Variants in CHAD observed in about 807,000 individuals in gnomAD.
The protein encoded by CHAD is chondroadherin.
Under a neutral mutation model 24.0 loss-of-function variants are expected in CHAD, and 18 were observed. The ratio of observed to expected loss-of-function variants is 0.75; its 90% CI spans 0.52 to 1.11. The LOEUF (loss-of-function observed/expected upper bound fraction) is 1.11, where lower values mean the gene tolerates loss of function less well. CHAD is among the 50% of genes most tolerant of loss of function. The pLI, the probability that CHAD is intolerant of heterozygous loss-of-function variation, is 0.00. For missense variants in CHAD, 440 were observed against 467.2 expected (o/e 0.94, Z 0.54); for synonymous variants, 195 against 211.6 (o/e 0.92, Z 0.68).
rs1474171242 is a variant in CHAD, at chr17:50,464,637, C to T, written c.*417G>A. On this transcript the variant is annotated 3_prime_UTR_variant, in exon 4 of 4. Transcript: ENST00000508540. ...AGAGTTGGGGCATGGGCTTTAAAAC[C>T]CTTTCTGGAAGCAAGGGGTGGGGCA... The T allele has an allele frequency of 2.0e-6, 1 of 498,226 alleles. No homozygotes were observed. Among genetic ancestry groups the T allele is most frequent in the Non-Finnish European group, 3.9e-6 (1 of 255,458 alleles). The allele number at this position is 498,226 out of a possible 1,614,324, so 30.9% of individuals were successfully genotyped here. A position where few individuals can be genotyped will look rare whatever the true frequency, so the allele number is the denominator to read the frequency against.
rs1435976949 is a variant in CHAD at position 50,465,798 on chromosome 17, G to A, written c.847C>T (p.Leu283=). 1 of 1,613,910 alleles carries A rather than the reference G, an allele frequency of 6.2e-7. No homozygotes were observed. The highest frequency in any genetic ancestry group is 1.1e-5 in the South Asian group (1 of 91,060). Residue 283 remains leucine, a synonymous_variant, in exon 2 of 4, where the codon CTA becomes TTA. Transcript: ENST00000508540. ...VHLENNRLNQ[L]PSNFPFDSLE... ...CTGTCGAAGGGGAAGTTGGAGGGTA[G>A]CTGGTTCAAGCGGTTGTTCTCCAAA...
chr17:50,468,877 T>G lies in CHAD; in HGVS notation c.-64A>C, dbSNP rs1033941521. ...GCGGCGGGGCGCGGGCAGCGGCGAG[T>G]CCTAGGCGCTCGGGTCTGCCGCCCT... On this transcript the variant is annotated 5_prime_UTR_variant, in exon 1 of 4. Transcript: ENST00000508540. 7.8e-5 allele frequency: 113 copies of G among 1,440,212 alleles called. No individual in the cohort carries two copies. Among genetic ancestry groups the G allele is most frequent in the Non-Finnish European group, 1.0e-4 (111 of 1,106,512 alleles). The allele number at this position is 1,440,212 out of a possible 1,614,324, so 89.2% of individuals were successfully genotyped here. A position where few individuals can be genotyped will look rare whatever the true frequency, so the allele number is the denominator to read the frequency against.
Position 50,468,106 on chromosome 17 carries a change from G to T in CHAD, c.708C>A (p.Asp236Glu), listed in dbSNP as rs1188650180. 6.2e-7 allele frequency: 1 copy of T among 1,613,986 alleles called. No individual in the cohort carries two copies. The highest frequency in any genetic ancestry group is 2.2e-5 in the East Asian group (1 of 44,882). ...LSHNPLKSIP[D>E]NAFQSFGRYL... ...ATCTGCCAAAGGACTGGAAGGCATT[G>T]TCCGGGATGCTTTTCAGGGGGTTGT... The change falls in exon 1 of 4, where the codon GAC becomes GAA. Residue 236 changes from aspartate (D) to glutamate (E), a missense_variant. Asp to Glu is a conservative substitution (Grantham distance 45). Transcript: ENST00000508540.
At position 50,468,397 on chromosome 17, in the gene CHAD, G is replaced by T; in HGVS notation, c.417C>A (p.Pro139=). ...TGACCAGCGGGGAGAGCAACCCCCG[G>T]GGCAGCTCAGTGACCTTGTTGTGGT... ...YLDHNKVTEL[P]RGLLSPLVNL... Residue 139 remains proline (P), a synonymous_variant, in exon 1 of 4, where the codon CCC becomes CCA. Transcript: ENST00000508540. The T allele has an allele frequency of 6.2e-7, 1 of 1,614,222 alleles. No individual in the cohort carries two copies. Among genetic ancestry groups the T allele is most frequent in the South Asian group, 1.1e-5 (1 of 91,086 alleles).
Position 50,465,325 on chromosome 17 carries a change from C to G in CHAD, c.1053G>C (p.Lys351Asn), listed in dbSNP as rs1451872677. The change falls in exon 3 of 4, where the codon AAG becomes AAC. Residue 351 changes from lysine (K) to asparagine (N), a missense_variant. By Grantham distance (94) the Lys-to-Asn change is moderately conservative (BLOSUM62 0). Transcript: ENST00000508540. ...DAFRSCKFPTKRSKKAGRH is the reference protein window; with the variant it reads ...DAFRSCKFPTNRSKKAGRH ...AATGGCGGCCAGCTTTCTTGGACCT[C>G]TTGGTGGGGAACTTGCAGCTGCGGA... 1 of 1,613,964 alleles carries G rather than the reference C, an allele frequency of 6.2e-7. No individual in the cohort carries two copies. The highest frequency in any genetic ancestry group is 2.2e-5 in the East Asian group (1 of 44,876).
rs150206622 is a variant in CHAD, at chr17:50,468,549, C to G, written c.265G>C (p.Glu89Gln). The G allele has an allele frequency of 6.8e-6, 11 of 1,614,238 alleles. No homozygotes were observed. The highest frequency in any genetic ancestry group is 3.3e-4 in the Middle Eastern group (2 of 6,060). The change falls in exon 1 of 4, where the codon GAG (glutamate) becomes CAG (glutamine). Residue 89 changes from glutamate to glutamine, a missense_variant. Glu to Gln is a conservative substitution (Grantham distance 29, BLOSUM62 2). Coordinates refer to ENST00000508540, the MANE Select transcript of CHAD (RefSeq NM_001267.3). ...SLHLQHCQIREVAAGAFRGLK... is the reference protein window; with the variant it reads ...SLHLQHCQIRQVAAGAFRGLK... ...CCGCGGAAGGCACCGGCGGCCACCT[C>G]GCGGATCTGGCAGTGCTGCAGGTGC...
intron 1 of CHAD, 135 bp from the exon 2 acceptor site, chr17:50,466,005 C>T (rs1314762044): frequency 2.3e-6 from 2 of 858,670 alleles, no homozygotes; most frequent in Admixed American, 2.2e-5. Flanking sequence ...GTTTTCAAAG[C>T]AGTATGACCA....
chr17:50,468,285 A>T lies in CHAD; in HGVS notation c.529T>A (p.Tyr177Asn), dbSNP rs773202817. 6.2e-7 allele frequency: 1 copy of T among 1,612,788 alleles called. No individual in the cohort carries two copies. The highest frequency in any genetic ancestry group is 1.3e-5 in the African/African-American group (1 of 75,064). The change falls in exon 1 of 4, where the codon TAC (tyrosine) becomes AAC (asparagine). Residue 177 changes from tyrosine to asparagine, a missense_variant. Physicochemically the swap from Tyr to Asn is moderately radical, Grantham distance 143. Coordinates refer to ENST00000508540, the MANE Select transcript of CHAD (RefSeq NM_001267.3). ...FQGAKDLRWL[Y>N]LSENALSSLQ... Reference sequence around the variant, plus strand: ...GAGCTCAACGCGTTTTCCGACAGGTAGAGCCAGCGCAGGTCCTTGGCTCCC... The same window carrying T: ...GAGCTCAACGCGTTTTCCGACAGGTTGAGCCAGCGCAGGTCCTTGGCTCCC...
In CHAD at chr17:50,468,337, G is replaced by A. The variant is rs751120493; in HGVS notation, c.477C>T (p.Ile159=). The A allele has an allele frequency of 1.2e-6, 2 of 1,614,208 alleles. No individual in the cohort carries two copies. The highest frequency in any genetic ancestry group is 1.3e-5 in the African/African-American group (1 of 75,076). The change falls in exon 1 of 4, where the codon ATC becomes ATT. Residue 159 remains isoleucine, a synonymous_variant. Transcript: ENST00000508540. The part of the protein sequence containing the change: ...LFILQLNNNK[I]RELRAGAFQG... ...GGAAGGCGCCTGCGCGCAGCTCACG[G>A]ATCTTGTTGTTGTTGAGCTGCAAGA...
At position 50,468,487 on chromosome 17, in the gene CHAD, G is replaced by A. The variant is rs377690767; in HGVS notation, c.327C>T (p.Asn109=). 12 of 1,614,156 alleles carry A rather than the reference G, an allele frequency of 7.4e-6. No homozygotes were observed. In the African/African-American group the frequency reaches 1.3e-4, roughly 18 times the overall value. Residue 109 remains asparagine (N), a synonymous_variant, in exon 1 of 4, where the codon AAC becomes AAT. Transcript: ENST00000508540. ...KQLIYLYLSH[N]DIRVLRAGAF... Reference sequence around the variant, plus strand: ...CACCTGCGCGCAGCACGCGGATGTCGTTATGGGACAGGTACAAGTAGATAA... The same window carrying A: ...CACCTGCGCGCAGCACGCGGATGTCATTATGGGACAGGTACAAGTAGATAA...
At chr17:50,465,628 C>G in intron 2 of CHAD, 79 bp downstream of exon 2, 2 of 1,555,662 alleles carry the variant, frequency 1.3e-6, no homozygotes, top group South Asian at 2.3e-5. Context: ...GGATGCATGT[C>G]CAACATGTCT....
intron 1 of CHAD, 200 bp downstream of exon 1, chr17:50,467,840 G>C (rs1316571938): frequency 3.6e-6 from 2 of 558,032 alleles, no homozygotes; most frequent in African/African-American, 3.8e-5. Flanking sequence ...GGAGGGCAGT[G>C]GTCGAGACTG....
At chr17:50,467,331 T>C (rs142638522) in intron 1 of CHAD, among the ~76,000 whole-genome samples, 2 of 152,182 alleles carry the variant, frequency 1.3e-5, no homozygotes, top group Non-Finnish European at 2.9e-5. Flanking sequence ...GGGCCAAGGA[T>C]TGACAATAGT....
rs2032676479 is a variant in CHAD, at chr17:50,465,879, C to T, written c.775-9G>A. 7 of 1,612,624 alleles carry T rather than the reference C, an allele frequency of 4.3e-6. No homozygotes were observed. Among genetic ancestry groups the T allele is most frequent in the Non-Finnish European group, 5.9e-6 (7 of 1,179,478 alleles). Reference sequence around the variant, plus strand: ...AAGGCACCATCTGAGAACTGGGGAGCAAGGTGGGAGCAAGGTGGGAGCAAG... The same window carrying T: ...AAGGCACCATCTGAGAACTGGGGAGTAAGGTGGGAGCAAGGTGGGAGCAAG... On this transcript the variant is annotated splice_polypyrimidine_tract_variant and intron_variant, in intron 1 of 3. Coordinates refer to ENST00000508540, the MANE Select transcript of CHAD (RefSeq NM_001267.3).
Position 50,468,235 on chromosome 17 carries a change from G to C in CHAD, c.579C>G (p.Asp193Glu), listed in dbSNP as rs34864120. 1 of 1,611,806 alleles carries C rather than the reference G, an allele frequency of 6.2e-7. No individual in the cohort carries two copies. The highest frequency in any genetic ancestry group is 1.3e-5 in the African/African-American group (1 of 74,890). The change falls in exon 1 of 4, where the codon GAC becomes GAG. Residue 193 changes from aspartate to glutamate, a missense_variant. Asp to Glu is a conservative substitution (Grantham distance 45). Transcript: ENST00000508540. ...LSSLQPGALD[D>E]VENLAKFHVD... ...CGTGGAATTTGGCGAGGTTCTCCAC[G>C]TCGTCCAGGGCCCCGGGCTGCAGGG...
rs1405160410 is a variant in CHAD, at chr17:50,465,034, C to T, written c.*20G>A. 3 of 494,516 alleles carry T rather than the reference C, an allele frequency of 6.1e-6. No individual in the cohort carries two copies. The highest frequency in any genetic ancestry group is 2.2e-5 in the South Asian group (1 of 45,086). 30.6% of individuals were successfully genotyped at this position (494,516 alleles called of 1,614,324 possible). ...GGAAGGCAGAGGCCAGTCACCAGGA[C>T]TGGCTGGGTCAGAACCTGCAAAGAG... On this transcript the variant is annotated 3_prime_UTR_variant, in exon 4 of 4. Coordinates refer to ENST00000508540, the MANE Select transcript of CHAD (RefSeq NM_001267.3).
Position 50,465,757 on chromosome 17 carries a change from G to A in CHAD, c.888C>T (p.Ala296=). Residue 296 remains alanine (A), a synonymous_variant, in exon 2 of 4, where the codon GCC becomes GCT. Coordinates refer to ENST00000508540, the MANE Select transcript of CHAD (RefSeq NM_001267.3). The stretch of plus-strand genomic sequence containing the variant: ...TACACTTCCAGGGGTTATTGGTAAG[G>A]GCGAGGGTCTCCAGGCTGTCGAAGG... ...NFPFDSLETL[A]LTNNPWKCTC... 1 of 1,613,888 alleles carries A rather than the reference G, an allele frequency of 6.2e-7. No individual in the cohort carries two copies. Among genetic ancestry groups the A allele is most frequent in the Non-Finnish European group, 8.5e-7 (1 of 1,179,988 alleles).
In CHAD at chr17:50,465,341, C is replaced by A; in HGVS notation, c.1037G>T (p.Cys346Phe). 1 of 1,614,076 alleles carries A rather than the reference C, an allele frequency of 6.2e-7. No homozygotes were observed. Among genetic ancestry groups the A allele is most frequent in the Non-Finnish European group, 8.5e-7 (1 of 1,180,018 alleles). ...CTTGGACCTCTTGGTGGGGAACTTGCAGCTGCGGAAGGCGTCCGTGTCACG... is the reference window on the plus strand; with the variant it reads ...CTTGGACCTCTTGGTGGGGAACTTGAAGCTGCGGAAGGCGTCCGTGTCACG... Reference protein sequence around the residue: ...HIRDTDAFRSCKFPTKRSKKA... With the variant: ...HIRDTDAFRSFKFPTKRSKKA... Residue 346 changes from cysteine (C) to phenylalanine (F), a missense_variant, in exon 3 of 4, where the codon TGC (cysteine) becomes TTC (phenylalanine). By Grantham distance (205) the Cys-to-Phe change is radical (BLOSUM62 -2). Transcript: ENST00000508540.
Position 50,468,441 on chromosome 17 carries a change from G to A in CHAD, c.373C>T (p.Leu125=). The A allele has an allele frequency of 6.2e-7, 1 of 1,614,270 alleles. No individual in the cohort carries two copies. Among genetic ancestry groups the A allele is most frequent in the Non-Finnish European group, 8.5e-7 (1 of 1,180,048 alleles). Residue 125 remains leucine (L), a synonymous_variant, in exon 1 of 4, where the codon CTG becomes TTG. Coordinates refer to ENST00000508540, the MANE Select transcript of CHAD (RefSeq NM_001267.3). ...TTGTGGTCCAGGTAGAGGTAGGTCAGCTCGGTCAGGTCGTCGAAGGCACCT... is the reference window on the plus strand; with the variant it reads ...TTGTGGTCCAGGTAGAGGTAGGTCAACTCGGTCAGGTCGTCGAAGGCACCT... ...RAGAFDDLTE[L]TYLYLDHNKV...
Sources: allele counts gnomAD v4.1 joint callset (sites outside exome capture counted in the v4.1 genomes callset), GRCh38; gene constraint gnomAD v4.1.1; transcripts MANE v1.5; gene names NCBI Gene and HGNC (gene_info 2026-07-23, HGNC 2026-07-21).